PCSK2: variants seen among roughly 807,000 people sequenced by gnomAD.
The protein encoded by PCSK2 is proprotein convertase subtilisin/kexin type 2, also known as neuroendocrine convertase 2.
PCSK2 carries 14 observed loss-of-function variants against 69.7 expected under a neutral mutation model. The observed-to-expected ratio is 0.20, with a 90% CI of 0.13 to 0.31. The LOEUF (loss-of-function observed/expected upper bound fraction) is 0.31, where lower values mean the gene tolerates loss of function less well. Among genes scored for constraint, PCSK2 ranks in the 10% least tolerant of loss-of-function variants. PCSK2 has a pLI of 1.00. For missense variants in PCSK2, 544 were observed against 842.5 expected, an observed-to-expected ratio of 0.65 and a Z score of 4.39; for synonymous variants, 307 against 320.7, an observed-to-expected ratio of 0.96 and a Z score of 0.46.
intron 8 of PCSK2, among the ~76,000 whole-genome samples, chr20:17,439,932 G>T (rs1049897432): frequency 3.3e-5 from 5 of 152,184 alleles, no homozygotes; most frequent in Non-Finnish European, 5.9e-5. Context: ...GGGGAAGGAA[G>T]CACATAGGGC....
At chr20:17,335,451 G>C (rs138194675) in intron 2 of PCSK2, among the ~76,000 whole-genome samples, 91 of 152,064 alleles carry the variant, frequency 6.0e-4, no homozygotes, top group Non-Finnish European at 1.2e-3. Context: ...GTGTGTGTGT[G>C]TGTGTGTGTG....
intron 1 of PCSK2, 59 bp from the exon 2 acceptor site, chr20:17,260,181 C>A: frequency 9.2e-7 from 1 of 1,087,878 alleles, no homozygotes; most frequent in Non-Finnish European, 1.4e-6. Context: ...CTTTGGTGTC[C>A]CTGTCCCTGG....
chr20:17,409,781 C>G (rs1186799880), intron 6 of PCSK2, among the ~76,000 whole-genome samples: 2 of 152,176 alleles, frequency 1.3e-5, no homozygotes, highest in African/African-American at 4.8e-5. Flanking sequence ...TTCAACAAAA[C>G]AGTAAGTGTG....
chr20:17,318,894 A>T lies in PCSK2; in HGVS notation c.283-39433A>T, dbSNP rs59004402. ...CACACACAATCAGAACAGCCAGAGCAGGATTATTCAATTCAGCTGCAATCA... is the reference window on the plus strand; with the variant it reads ...CACACACAATCAGAACAGCCAGAGCTGGATTATTCAATTCAGCTGCAATCA... On this transcript the variant is annotated intron_variant, in intron 2 of 11. Coordinates refer to ENST00000262545, the MANE Select transcript of PCSK2 (RefSeq NM_002594.5). 0.018 allele frequency among the ~76,000 whole-genome samples: 2,667 copies of T among 152,334 alleles called. 244 individuals carry two copies. The East Asian group carries it at 0.28, about 16-fold the overall frequency.
intron 5 of PCSK2, among the ~76,000 whole-genome samples, chr20:17,379,463 A>T (rs1238775265): frequency 6.6e-6 from 1 of 152,248 alleles, no homozygotes; most frequent in Non-Finnish European, 1.5e-5. Flanking sequence ...GAAGCCATGG[A>T]GTCTTCTAAA....
chr20:17,481,998 G>A lies in PCSK2; in HGVS notation c.1845G>A (p.Lys615=). 6.2e-7 allele frequency: 1 copy of A among 1,612,428 alleles called. No individual in the cohort carries two copies. The highest frequency in any genetic ancestry group is 1.1e-5 in the South Asian group (1 of 90,954). ...ACCAGTCCAAGTTGGCCATGTCCAA[G>A]AAAGAGGAGCTGGAGGAAGAGCTGG... ...RDYQSKLAMS[K]KEELEEELDE... is the part of the protein sequence containing the mutation. Residue 615 remains lysine (K), a synonymous_variant, in exon 12 of 12, where the codon AAG becomes AAA. Transcript: ENST00000262545.
At chr20:17,386,051 T>C (rs2123262113) in intron 5 of PCSK2, among the ~76,000 whole-genome samples, 1 of 152,334 alleles carries the variant, frequency 6.6e-6, no homozygotes, top group Non-Finnish European at 1.5e-5. Context: ...AGCAAGGAGT[T>C]ATTATGGATG....
chr20:17,349,694 G>A (rs1380669416), intron 2 of PCSK2, among the ~76,000 whole-genome samples: 1 of 152,182 alleles, frequency 6.6e-6, no homozygotes, highest in Admixed American at 6.5e-5. Flanking sequence ...ATAAAGGCAA[G>A]GTATCTTACC....
At position 17,303,539 on chromosome 20, in the gene PCSK2, TATAATATG is replaced by T. The variant is rs1989220641; in HGVS notation, c.282+43199_282+43206del. On this transcript the variant is annotated intron_variant, in intron 2 of 11. Transcript: ENST00000262545. ...ATAATATAATATATATTATATTATATATAATATGATATAATATATATTATATAATATAT... is the reference window on the plus strand; with the variant it reads ...ATAATATAATATATATTATATTATATATATAATATATATTATATAATATAT... Among the ~76,000 whole-genome samples, 9 of 41,852 alleles carry T rather than the reference TATAATATG, an allele frequency of 2.2e-4. 1 individual carries two copies. In the Admixed American group the frequency reaches 2.7e-3, roughly 12 times the overall value. The allele number at this position is 41,852 out of a possible 152,430, so 27.5% of individuals were successfully genotyped here. A position where few individuals can be genotyped will look rare whatever the true frequency, so the allele number is the denominator to read the frequency against.
At chr20:17,293,568 C>G (rs909054389) in intron 2 of PCSK2, among the ~76,000 whole-genome samples, 3 of 152,120 alleles carry the variant, frequency 2.0e-5, no homozygotes, top group African/African-American at 4.8e-5. Context: ...AAACATGTAT[C>G]CACATAATCA....
chr20:17,393,681 A>G (rs1011533589), intron 5 of PCSK2, among the ~76,000 whole-genome samples: 9 of 152,134 alleles, frequency 5.9e-5, no homozygotes, highest in Admixed American at 4.6e-4. Flanking sequence ...TCTTGTTTCA[A>G]TTGTATTAAA....
At chr20:17,477,179 T>C (rs1249063460) in intron 11 of PCSK2, among the ~76,000 whole-genome samples, 1 of 152,248 alleles carries the variant, frequency 6.6e-6, no homozygotes, top group Non-Finnish European at 1.5e-5. Context: ...ACATGACCAC[T>C]GTCTTTTTGT....
chr20:17,471,707 G>A (rs2033205277), intron 11 of PCSK2, among the ~76,000 whole-genome samples: 1 of 152,222 alleles, frequency 6.6e-6, no homozygotes, highest in Non-Finnish European at 1.5e-5. Flanking sequence ...GTTCTCAGAT[G>A]CAGATGAGTT....
At chr20:17,388,671 G>A (rs757705415) in intron 5 of PCSK2, among the ~76,000 whole-genome samples, 18 of 152,118 alleles carry the variant, frequency 1.2e-4, no homozygotes, top group Non-Finnish European at 2.6e-4. Context: ...AAATTCAGGA[G>A]GGGAGTCAGC....
chr20:17,268,033 G>GTATA (rs753655282), intron 2 of PCSK2, among the ~76,000 whole-genome samples: 2,443 of 65,984 alleles, frequency 0.037, 64 homozygotes, highest in East Asian at 0.13. Context: ...TATCCAATGT[G>GTATA]TATATATATA....
rs149889610 is a variant in PCSK2 at position 17,343,449 on chromosome 20, G to A, written c.283-14878G>A. Among the ~76,000 whole-genome samples the A allele has an allele frequency of 1.3e-4, 20 of 152,300 alleles. No homozygotes were observed. In the East Asian group the frequency reaches 3.9e-3, roughly 29 times the overall value. The stretch of plus-strand genomic sequence containing the variant: ...AACAGGGCTGCTTCATCCCTGCACA[G>A]ATATCTTCAGTAGAACTTGTCAGCA... On this transcript the variant is annotated intron_variant, in intron 2 of 11. Transcript: ENST00000262545.
rs199791641 is a variant in PCSK2, at chr20:17,298,699, AT to A, written c.282+38364del. Among the ~76,000 whole-genome samples the A allele has an allele frequency of 5.4e-3, 811 of 151,568 alleles. 4 individuals are homozygous for A. The highest frequency in any genetic ancestry group is 0.019 in the African/African-American group (764 of 41,284). Reference sequence around the variant, plus strand: ...ACGGGCTAGAAAATATTTTTAAGTAATTTTTTTTTCAAGTAGACTCTATAGA... The same window carrying A: ...ACGGGCTAGAAAATATTTTTAAGTAATTTTTTTTCAAGTAGACTCTATAGA... On this transcript the variant is annotated intron_variant, in intron 2 of 11. Coordinates refer to ENST00000262545, the MANE Select transcript of PCSK2 (RefSeq NM_002594.5).
At chr20:17,234,775 T>A (rs751252538) in intron 1 of PCSK2, among the ~76,000 whole-genome samples, 2 of 152,200 alleles carry the variant, frequency 1.3e-5, no homozygotes, top group Non-Finnish European at 2.9e-5. Context: ...ATAGTTAGGT[T>A]CACAATAATT....
chr20:17,384,797 G>A (rs1255680593), intron 5 of PCSK2, among the ~76,000 whole-genome samples: 2 of 152,046 alleles, frequency 1.3e-5, no homozygotes, highest in African/African-American at 4.8e-5. Context: ...GCTGGGAATG[G>A]TGGTGCATCT....
Sources: gnomAD v4.1 joint callset for allele counts (sites outside exome capture counted in the v4.1 genomes callset) on GRCh38, gnomAD v4.1.1 for gene constraint, MANE v1.5 for transcripts, NCBI Gene and HGNC (gene_info 2026-07-23, HGNC 2026-07-21) for gene names.